Variants in FAM184B observed in about 807,000 individuals in gnomAD.
The protein encoded by FAM184B is family with sequence similarity 184 member B.
A neutral mutation model predicts 135.9 loss-of-function variants in FAM184B; 111 were observed. That is an observed-to-expected ratio of 0.82 (90% CI 0.70 to 0.96). The LOEUF (loss-of-function observed/expected upper bound fraction) is 0.96. Among genes scored for constraint, FAM184B ranks in the 40% least tolerant of loss-of-function variants. The pLI is 0.00. For synonymous variants in FAM184B, 552 were observed against 524.8 expected, an observed-to-expected ratio of 1.05 and a Z score of -0.71; for missense variants, 1,375 against 1,323.9, an observed-to-expected ratio of 1.04 and a Z score of -0.60.
chr4:17,669,843 C>T (rs1194732646), intron 7 of FAM184B, among the ~76,000 whole-genome samples: 2 of 152,110 alleles, frequency 1.3e-5, no homozygotes, highest in African/African-American at 2.4e-5. Context: ...GCAAGCTAAA[C>T]CTAATAGCTA....
At chr4:17,646,558 C>T (rs1402369311) in intron 12 of FAM184B, among the ~76,000 whole-genome samples, 1 of 151,188 alleles carries the variant, frequency 6.6e-6, no homozygotes, top group Non-Finnish European at 1.5e-5. Flanking sequence ...GGAAGGGGGA[C>T]ATCACACACC....
At chr4:17,779,945 TTTACATGAATGTAGG>T (rs1306306120) in intron 1 of FAM184B, among the ~76,000 whole-genome samples, 2 of 152,322 alleles carry the variant, frequency 1.3e-5, no homozygotes, top group East Asian at 3.9e-4. Flanking sequence ...GATGTCACTA[TTTACATGAATGTAGG>T]TTAGATCAAT....
At chr4:17,659,107 TC>T (rs1715851378) in intron 9 of FAM184B, among the ~76,000 whole-genome samples, 1 of 147,582 alleles carries the variant, frequency 6.8e-6, no homozygotes, top group Admixed American at 6.6e-5. Context: ...ATATAAAATA[TC>T]TTTTTTTTTT....
intron 13 of FAM184B, 54 bp downstream of exon 13, chr4:17,642,002 T>A: frequency 1.1e-6 from 1 of 894,116 alleles, no homozygotes; most frequent in Non-Finnish European, 1.5e-6. Context: ...GGAGGGGGGG[T>A]GGCGGGGTAG....
At position 17,635,063 on chromosome 4, in the gene FAM184B, C is replaced by G. The variant is rs919888303; in HGVS notation, c.2835G>C (p.Arg945=). The part of the protein sequence containing the change: ...YAAFPSAMSH[R]NRSFSFNPHP... Reference sequence around the variant, plus strand: ...GAGGATTGAAAGAGAAAGACCGATTCCGGTGGGACATGGCACTGGGGAATG... The same window carrying G: ...GAGGATTGAAAGAGAAAGACCGATTGCGGTGGGACATGGCACTGGGGAATG... Residue 945 remains arginine (R), a synonymous_variant, in exon 16 of 18, where the codon CGG becomes CGC. Coordinates refer to ENST00000265018, the MANE Select transcript of FAM184B (RefSeq NM_015688.2). The G allele has an allele frequency of 9.7e-6, 15 of 1,551,700 alleles. No homozygotes were observed. The African/African-American group carries it at 2.1e-4, about 21-fold the overall frequency.
chr4:17,671,067 A>G (rs1716159598), intron 7 of FAM184B, among the ~76,000 whole-genome samples: 1 of 152,140 alleles, frequency 6.6e-6, no homozygotes, highest in South Asian at 2.1e-4. Flanking sequence ...GTTCATGTAC[A>G]TATTCCCTTT....
intron 3 of FAM184B, 61 bp from the exon 4 acceptor site, chr4:17,705,952 C>T (rs1334565299): frequency 2.6e-6 from 4 of 1,542,914 alleles, no homozygotes; most frequent in African/African-American, 2.7e-5. Flanking sequence ...TTGTTCAAGG[C>T]TTTCTGCTGT....
At chr4:17,637,809 A>G (rs1326594859) in intron 14 of FAM184B, among the ~76,000 whole-genome samples, 2 of 152,098 alleles carry the variant, frequency 1.3e-5, no homozygotes, top group African/African-American at 4.8e-5. Context: ...TGGTCTTGCT[A>G]GTCACCCCCT....
intron 12 of FAM184B, 131 bp downstream of exon 12, chr4:17,647,506 T>A: frequency 1.7e-6 from 2 of 1,189,938 alleles, no homozygotes; most frequent in South Asian, 3.4e-5. Flanking sequence ...GGCTTTGGCC[T>A]CCCAAAGTGC....
chr4:17,672,784 A>G (rs1296602300), intron 7 of FAM184B, among the ~76,000 whole-genome samples: 1 of 152,110 alleles, frequency 6.6e-6, no homozygotes, highest in Non-Finnish European at 1.5e-5. Context: ...GTTAACTAGT[A>G]TTTTGTTAAG....
rs368353223 is a variant in FAM184B at position 17,709,082 on chromosome 4, G to A, written c.704C>T (p.Ala235Val). The A allele has an allele frequency of 1.3e-6, 2 of 1,549,782 alleles. No individual in the cohort carries two copies. Among genetic ancestry groups the A allele is most frequent in the Non-Finnish European group, 1.7e-6 (2 of 1,146,964 alleles). The change falls in exon 2 of 18, where the codon GCC becomes GTC. Residue 235 changes from alanine (A) to valine (V), a missense_variant. Ala to Val is a moderately conservative substitution (Grantham distance 64). Coordinates refer to ENST00000265018, the MANE Select transcript of FAM184B (RefSeq NM_015688.2). ...GGCCTGGCTCACCGACTGCTGCATG[G>A]CCTGCCGGATGGCCTCGTTTTCCCT... ...YERENEAIRQ[A>V]MQQSVSQALW...
At position 17,744,489 on chromosome 4, in the gene FAM184B, A is replaced by C. The variant is rs557817273; in HGVS notation, c.142-34845T>G. ...CACACACACACACACACACACACAC[A>C]CCACACACACACACACACACACACA... On this transcript the variant is annotated intron_variant, in intron 1 of 17. Transcript: ENST00000265018. 7.0e-4 allele frequency among the ~76,000 whole-genome samples: 88 copies of C among 126,190 alleles called. No individual in the cohort carries two copies. The East Asian group carries it at 0.013, about 18-fold the overall frequency. 82.8% of individuals were successfully genotyped at this position (126,190 alleles called of 152,430 possible).
intron 1 of FAM184B, among the ~76,000 whole-genome samples, chr4:17,772,809 A>T (rs545292302): frequency 5.3e-5 from 8 of 152,334 alleles, no homozygotes; most frequent in African/African-American, 1.9e-4. Flanking sequence ...TCACAATGCT[A>T]GGCCAGGGCA....
intron 1 of FAM184B, among the ~76,000 whole-genome samples, chr4:17,752,797 G>C (rs1041758738): frequency 9.9e-5 from 15 of 152,156 alleles, no homozygotes; most frequent in African/African-American, 3.4e-4. Flanking sequence ...TAATATCATC[G>C]CTGAAAAAGC....
intron 5 of FAM184B, among the ~76,000 whole-genome samples, chr4:17,697,101 C>T (rs1289412920): frequency 3.3e-5 from 5 of 152,108 alleles, no homozygotes; most frequent in South Asian, 2.1e-4. Context: ...GGGAAATCAT[C>T]GCACAGTCCA....
chr4:17,706,158 T>C (rs1276407053), intron 3 of FAM184B, among the ~76,000 whole-genome samples: 1 of 152,208 alleles, frequency 6.6e-6, no homozygotes, highest in Non-Finnish European at 1.5e-5. Context: ...TTTCTATAGG[T>C]TAAAAAAGTT....
At chr4:17,656,415 G>C (rs1211741705) in intron 10 of FAM184B, among the ~76,000 whole-genome samples, 2 of 151,968 alleles carry the variant, frequency 1.3e-5, no homozygotes, top group Non-Finnish European at 1.5e-5. Flanking sequence ...TTTTTGCTTT[G>C]TTTTGAGACG....
chr4:17,714,617 C>T (rs1286752279), intron 1 of FAM184B, among the ~76,000 whole-genome samples: 1 of 152,118 alleles, frequency 6.6e-6, no homozygotes, highest in African/African-American at 2.4e-5. Flanking sequence ...CCAGGTTTAA[C>T]CATTCATTAG....
chr4:17,670,181 T>C (rs1024626562), intron 7 of FAM184B, among the ~76,000 whole-genome samples: 2 of 152,246 alleles, frequency 1.3e-5, no homozygotes, highest in African/African-American at 4.8e-5. Context: ...GCTTTAAATG[T>C]ATTCATTTGT....
Sources: gnomAD v4.1 joint callset for allele counts (sites outside exome capture counted in the v4.1 genomes callset) on GRCh38, gnomAD v4.1.1 for gene constraint, MANE v1.5 for transcripts, NCBI Gene and HGNC (gene_info 2026-07-23, HGNC 2026-07-21) for gene names.